MMRN2: variants seen among roughly 807,000 people sequenced by gnomAD.
The protein encoded by MMRN2 is multimerin-2.
A neutral mutation model predicts 68.8 loss-of-function variants in MMRN2; 53 were observed. The ratio of observed to expected loss-of-function variants is 0.77; its 90% confidence interval spans 0.62 to 0.97. MMRN2 has a LOEUF of 0.97. Among genes scored for constraint, MMRN2 ranks in the 50% least tolerant of loss-of-function variants. The probability of loss-of-function intolerance (pLI) is 0.00; values close to 1 mark genes in which losing one functional copy is unlikely to be tolerated. For synonymous variants in MMRN2, 564 were observed against 551.6 expected (o/e 1.02, Z -0.32); for missense variants, 1,266 against 1,259.5 (o/e 1.01, Z -0.08).
intron 1 of MMRN2, among the ~76,000 whole-genome samples, chr10:86,954,441 G>C (rs1018895477): frequency 6.6e-6 from 1 of 152,176 alleles, no homozygotes; most frequent in Admixed American, 6.5e-5. Flanking sequence ...GTGCCTCTGC[G>C]GCACACAGAT....
intron 1 of MMRN2, among the ~76,000 whole-genome samples, chr10:86,956,711 G>T (rs1037313220): frequency 2.0e-5 from 3 of 152,258 alleles, no homozygotes; most frequent in African/African-American, 4.8e-5. Context: ...GCCTGGCCCT[G>T]AGACTGGGGG....
chr10:86,942,897 C>A lies in MMRN2; in HGVS notation c.1887G>T (p.Pro629=). 6.9e-7 allele frequency: 1 copy of A among 1,452,694 alleles called. No individual in the cohort carries two copies. Among genetic ancestry groups the A allele is most frequent in the Non-Finnish European group, 9.1e-7 (1 of 1,100,302 alleles). 90.0% of individuals were successfully genotyped at this position (1,452,694 alleles called of 1,614,324 possible). A position where few individuals can be genotyped will look rare whatever the true frequency, so the allele number is the denominator to read the frequency against. ...LEEMSEQTPG[P]LPLSYEQIRV... ...GGATCTGCTCGTAGCTCAGGGGCAG[C>A]GGTCCCGGCGTCTGCTCAGACATCT... Residue 629 remains proline (P), a synonymous_variant, in exon 6 of 7, where the codon CCG becomes CCT. Coordinates refer to ENST00000372027, the MANE Select transcript of MMRN2 (RefSeq NM_024756.3).
Position 86,936,643 on chromosome 10 carries a change from G to A in MMRN2, c.*100C>T. On this transcript the variant is annotated 3_prime_UTR_variant, in exon 7 of 7. Coordinates refer to ENST00000372027, the MANE Select transcript of MMRN2 (RefSeq NM_024756.3). ...CTTTGCAGAAGGTTTCCAGGGAAGA[G>A]ACAGACCAACTGAATGACCTCCAGC... 6 of 1,447,722 alleles carry A rather than the reference G, an allele frequency of 4.1e-6. No individual in the cohort carries two copies. Among genetic ancestry groups the A allele is most frequent in the Non-Finnish European group, 9.4e-7 (1 of 1,058,444 alleles). The allele number at this position is 1,447,722 out of a possible 1,614,324, so 89.7% of individuals were successfully genotyped here. A position where few individuals can be genotyped will look rare whatever the true frequency, so the allele number is the denominator to read the frequency against.
Position 86,942,508 on chromosome 10 carries a change from T to C in MMRN2, c.2276A>G (p.Gln759Arg). The C allele has an allele frequency of 1.2e-6, 2 of 1,613,988 alleles. No homozygotes were observed. The highest frequency in any genetic ancestry group is 2.2e-5 in the South Asian group (2 of 91,078). The change falls in exon 6 of 7, where the codon CAA (glutamine) becomes CGA (arginine). Residue 759 changes from glutamine to arginine, a missense_variant. Transcript: ENST00000372027. The part of the protein sequence containing the change: ...RLFHSLFGNF[Q>R]GLMEANVSLD... The stretch of plus-strand genomic sequence containing the variant: ...GCTGACGTTGGCTTCCATGAGCCCT[T>C]GGAAGTTCCCAAAGAGGCTGTGGAA...
At chr10:86,944,474 AC>A in intron 4 of MMRN2, 39 bp from the exon 5 acceptor site, 1 of 1,607,538 alleles carries the variant, frequency 6.2e-7, no homozygotes, top group Non-Finnish European at 8.5e-7. Flanking sequence ...GGGCTAACTC[AC>A]CAGGCCTGGG....
In MMRN2 at chr10:86,942,725, C is replaced by A. The variant is rs1382030731; in HGVS notation, c.2059G>T (p.Glu687Ter). Residue 687 changes from glutamate (E) to a stop codon, truncating the protein, a stop_gained, in exon 6 of 7, where the codon GAG (glutamate) becomes TAG (stop). Transcript: ENST00000372027. LOFTEE classifies it high-confidence loss of function. ...HLEPSHDAGR[E>*]EAATTALAGL... ...GCCAGGGCGGTGGTGGCGGCCTCCT[C>A]GCGGCCCGCGTCGTGGCTGGGCTCC... 4 of 1,445,108 alleles carry A rather than the reference C, an allele frequency of 2.8e-6. No homozygotes were observed. The highest frequency in any genetic ancestry group is 4.1e-4 in the Middle Eastern group (2 of 4,858). The allele number at this position is 1,445,108 out of a possible 1,614,324, so 89.5% of individuals were successfully genotyped here. A position where few individuals can be genotyped will look rare whatever the true frequency, so the allele number is the denominator to read the frequency against.
At position 86,935,729 on chromosome 10, in the gene MMRN2, C is replaced by T. The variant is rs1843867126; in HGVS notation, c.*1014G>A. On this transcript the variant is annotated 3_prime_UTR_variant, in exon 7 of 7. Coordinates refer to ENST00000372027, the MANE Select transcript of MMRN2 (RefSeq NM_024756.3). ...TAGTTCACGTTTGGCATTTCTTGGT[C>T]TTTACCCTATGTAAGGCAAGGAGAA... 1 of 152,258 alleles carries T rather than the reference C, an allele frequency of 6.6e-6. No homozygotes were observed. The highest frequency in any genetic ancestry group is 6.5e-5 in the Admixed American group (1 of 15,286). The allele number at this position is 152,258 out of a possible 1,614,324, so 9.4% of individuals were successfully genotyped here. A position where few individuals can be genotyped will look rare whatever the true frequency, so the allele number is the denominator to read the frequency against.
chr10:86,944,343 C>T lies in MMRN2; in HGVS notation c.574G>A (p.Ala192Thr). 1 of 1,613,978 alleles carries T rather than the reference C, an allele frequency of 6.2e-7. No individual in the cohort carries two copies. Reference protein sequence around the residue: ...GDLQNDVHRVADSLPGLWKAL... With the variant: ...GDLQNDVHRVTDSLPGLWKAL... ...TTCCACAGGCCTGGCAGGCTGTCTGCCACCCGGTGCACATCATTCTGGAGA... is the reference window on the plus strand; with the variant it reads ...TTCCACAGGCCTGGCAGGCTGTCTGTCACCCGGTGCACATCATTCTGGAGA... Residue 192 changes from alanine (A) to threonine (T), a missense_variant, in exon 5 of 7, where the codon GCA becomes ACA. Transcript: ENST00000372027.
At position 86,936,075 on chromosome 10, in the gene MMRN2, C is replaced by A. The variant is rs1843873939; in HGVS notation, c.*668G>T. 2 of 203,176 alleles carry A rather than the reference C, an allele frequency of 9.8e-6. No individual in the cohort carries two copies. The highest frequency in any genetic ancestry group is 2.0e-5 in the Non-Finnish European group (2 of 101,652). 12.6% of individuals were successfully genotyped at this position (203,176 alleles called of 1,614,324 possible). A position where few individuals can be genotyped will look rare whatever the true frequency, so the allele number is the denominator to read the frequency against. Reference sequence around the variant, plus strand: ...CAAGATCCAATTACCTCCACCTGATCTCTCCCTTGATGTGGGGATTATAGG... The same window carrying A: ...CAAGATCCAATTACCTCCACCTGATATCTCCCTTGATGTGGGGATTATAGG... On this transcript the variant is annotated 3_prime_UTR_variant, in exon 7 of 7. Transcript: ENST00000372027.
chr10:86,941,223 T>C (rs567839659), intron 6 of MMRN2, among the ~76,000 whole-genome samples: 4 of 152,298 alleles, frequency 2.6e-5, no homozygotes, highest in African/African-American at 7.2e-5. Flanking sequence ...GGCCCACGGC[T>C]TTCCCTGTAC....
In MMRN2 at chr10:86,937,131, A is replaced by G. The variant is rs201137332; in HGVS notation, c.2468-6T>C. On this transcript the variant is annotated splice_region_variant and splice_polypyrimidine_tract_variant and intron_variant, in intron 6 of 6. Coordinates refer to ENST00000372027, the MANE Select transcript of MMRN2 (RefSeq NM_024756.3). Reference sequence around the variant, plus strand: ...ATAGAAGGCCACAGGGGATCCTGAAACATAACAGGACAGTGCTTAGTGATT... The same window carrying G: ...ATAGAAGGCCACAGGGGATCCTGAAGCATAACAGGACAGTGCTTAGTGATT... 41 of 1,613,388 alleles carry G rather than the reference A, an allele frequency of 2.5e-5. No homozygotes were observed. In the East Asian group the frequency reaches 8.9e-4, roughly 35 times the overall value.
chr10:86,937,921 G>C (rs375163846), intron 6 of MMRN2, among the ~76,000 whole-genome samples: 2 of 152,028 alleles, frequency 1.3e-5, no homozygotes, highest in East Asian at 1.9e-4. Flanking sequence ...AGCCAGGGAA[G>C]AGAAGCCCCT....
chr10:86,952,569 C>A (rs1479219670), intron 1 of MMRN2, among the ~76,000 whole-genome samples: 2 of 152,156 alleles, frequency 1.3e-5, no homozygotes, highest in Non-Finnish European at 2.9e-5. Context: ...AGCCGCAAAA[C>A]CAGCAGGTTT....
In MMRN2 at chr10:86,952,682, G is replaced by A. The variant is rs1324485683; in HGVS notation, c.164+4696C>T. Among the ~76,000 whole-genome samples, 6 of 152,300 alleles carry A rather than the reference G, an allele frequency of 3.9e-5. No individual in the cohort carries two copies. The East Asian group carries it at 5.8e-4, about 15-fold the overall frequency. ...AAAGATCATATGCTTCTGAGGAAAC[G>A]GGGCAAGGACAAAATCAAAAACTCC... On this transcript the variant is annotated intron_variant, in intron 1 of 6. Transcript: ENST00000372027.
intron 4 of MMRN2, 72 bp from the exon 5 acceptor site, chr10:86,944,507 G>A: frequency 6.5e-7 from 1 of 1,550,100 alleles, no homozygotes. Flanking sequence ...GTTCAGAGAA[G>A]GAGAGTTGAA....
chr10:86,936,583 A>C lies in MMRN2; in HGVS notation c.*160T>G, dbSNP rs1430196557. ...CATCATGGAGAAATGGCCAAGCCCC[A>C]TGTGGTTACAGGGAAGCCACGTACA... On this transcript the variant is annotated 3_prime_UTR_variant, in exon 7 of 7. Coordinates refer to ENST00000372027, the MANE Select transcript of MMRN2 (RefSeq NM_024756.3). 2.5e-6 allele frequency: 2 copies of C among 793,282 alleles called. No individual in the cohort carries two copies. Among genetic ancestry groups the C allele is most frequent in the African/African-American group, 1.7e-5 (1 of 58,190 alleles). The allele number at this position is 793,282 out of a possible 1,614,324, so 49.1% of individuals were successfully genotyped here.
chr10:86,939,884 T>C (rs1009163649), intron 6 of MMRN2, among the ~76,000 whole-genome samples: 1 of 151,414 alleles, frequency 6.6e-6, no homozygotes, highest in Non-Finnish European at 1.5e-5. Context: ...AGAGTCCTAC[T>C]CTGCCGCCCA....
intron 1 of MMRN2, 154 bp from the exon 2 acceptor site, chr10:86,945,843 C>G (rs1193649917): frequency 5.5e-6 from 8 of 1,459,086 alleles, no homozygotes; most frequent in South Asian, 2.8e-5. Context: ...TTATTCATCC[C>G]TGGGCTCCAG....
intron 1 of MMRN2, among the ~76,000 whole-genome samples, chr10:86,953,275 G>C (rs1844168703): frequency 6.6e-6 from 1 of 152,164 alleles, no homozygotes; most frequent in East Asian, 1.9e-4. Flanking sequence ...AGCAAGACAG[G>C]CATAAGAAAT....
Sources: gnomAD v4.1 joint callset for allele counts (sites outside exome capture counted in the v4.1 genomes callset) on GRCh38, gnomAD v4.1.1 for gene constraint, MANE v1.5 for transcripts, NCBI Gene and HGNC (gene_info 2026-07-23, HGNC 2026-07-21) for gene names.